The following GRID2 variants were observed in gnomAD, a reference collection of about 807,000 sequenced individuals.
GRID2 encodes glutamate ionotropic receptor delta type subunit 2.
A neutral mutation model predicts 114.8 loss-of-function variants in GRID2; 33 were observed. That is an observed-to-expected ratio of 0.29 (90% CI 0.22 to 0.38). The LOEUF (loss-of-function observed/expected upper bound fraction) is 0.38, where lower values mean the gene tolerates loss of function less well. GRID2 is among the 10% of genes least tolerant of loss of function. The pLI, the probability that GRID2 is intolerant of heterozygous loss-of-function variation, is 1.00. For missense variants in GRID2, 1,184 were observed against 1,257.7 expected, an observed-to-expected ratio of 0.94 and a Z score of 0.89; for synonymous variants, 505 against 449.9, an observed-to-expected ratio of 1.12 and a Z score of -1.55.
intron 14 of GRID2, among the ~76,000 whole-genome samples, chr4:93,682,172 A>G (rs1578558541): frequency 2.0e-5 from 3 of 151,186 alleles, no homozygotes; most frequent in African/African-American, 7.3e-5. Flanking sequence ...CAAAAGACAC[A>G]TGAAAAAATG....
chr4:92,857,368 G>A (rs1230044578), intron 2 of GRID2, among the ~76,000 whole-genome samples: 2 of 152,152 alleles, frequency 1.3e-5, no homozygotes, highest in Non-Finnish European at 2.9e-5. Context: ...AATGTACAGG[G>A]TGTGTTGGTG....
intron 15 of GRID2, among the ~76,000 whole-genome samples, chr4:93,771,312 G>T (rs1734087443): frequency 6.6e-6 from 1 of 152,252 alleles, no homozygotes; most frequent in Admixed American, 6.5e-5. Flanking sequence ...TTCTTACCAA[G>T]ACGCCATTAG....
chr4:93,609,088 T>C (rs1402412889), intron 13 of GRID2, among the ~76,000 whole-genome samples: 1 of 104,350 alleles, frequency 9.6e-6, no homozygotes, highest in Non-Finnish European at 2.1e-5. Flanking sequence ...TTTCATGTGT[T>C]TTTTGGCTGC....
intron 11 of GRID2, among the ~76,000 whole-genome samples, chr4:93,478,602 CAT>C (rs1367420400): frequency 3.3e-5 from 5 of 151,110 alleles, no homozygotes; most frequent in Admixed American, 6.6e-5. Flanking sequence ...AACTACATAA[CAT>C]AAAATTAACT....
chr4:93,332,302 G>GAGAGAGAGAGAA (rs1758580256), intron 8 of GRID2, among the ~76,000 whole-genome samples: 1 of 85,816 alleles, frequency 1.2e-5, no homozygotes, highest in Non-Finnish European at 2.4e-5. Context: ...GTGTGTGTGA[G>GAGAGAGAGAGAA]AGAGAGAGAG....
At chr4:93,725,996 C>G (rs1216166601) in intron 14 of GRID2, among the ~76,000 whole-genome samples, 1 of 152,178 alleles carries the variant, frequency 6.6e-6, no homozygotes, top group Non-Finnish European at 1.5e-5. Flanking sequence ...AATTAGATCC[C>G]ATTTGTCAAT....
chr4:93,533,278 C>A (rs534428298), intron 13 of GRID2, among the ~76,000 whole-genome samples: 1 of 132,822 alleles, frequency 7.5e-6, no homozygotes, highest in Non-Finnish European at 1.6e-5. Flanking sequence ...TCCTTCCTTC[C>A]TTCCTTCCTT....
chr4:93,258,497 C>T (rs745502774), intron 8 of GRID2, among the ~76,000 whole-genome samples: 3 of 151,346 alleles, frequency 2.0e-5, no homozygotes, highest in Admixed American at 1.3e-4. Context: ...TATATAATGA[C>T]AGACACATGG....
intron 14 of GRID2, among the ~76,000 whole-genome samples, chr4:93,728,955 G>A (rs1730215526): frequency 6.6e-6 from 1 of 152,150 alleles, no homozygotes; most frequent in African/African-American, 2.4e-5. Flanking sequence ...GCCAGTCTGT[G>A]TCTTTTAATT....
At chr4:93,017,122 C>G (rs553870987) in intron 2 of GRID2, among the ~76,000 whole-genome samples, 169 of 152,220 alleles carry the variant, frequency 1.1e-3, no homozygotes, top group Middle Eastern at 0.01. Flanking sequence ...TAAAACTTAT[C>G]TACATTTCAA....
At chr4:93,042,175 T>C (rs1459839754) in intron 2 of GRID2, among the ~76,000 whole-genome samples, 1 of 151,652 alleles carries the variant, frequency 6.6e-6, no homozygotes, top group Non-Finnish European at 1.5e-5. Flanking sequence ...AATGCTGGGA[T>C]TACAGGCATG....
chr4:93,303,836 G>A (rs80012407), intron 8 of GRID2, among the ~76,000 whole-genome samples: 2,869 of 151,870 alleles, frequency 0.019, 44 homozygotes, highest in Non-Finnish European at 0.029. Context: ...TCTCTTCTTA[G>A]CTTTATCAAA....
chr4:93,671,717 C>T (rs1172503339), intron 14 of GRID2, among the ~76,000 whole-genome samples: 1 of 151,980 alleles, frequency 6.6e-6, no homozygotes, highest in Non-Finnish European at 1.5e-5. Flanking sequence ...ACATGTAATC[C>T]CAAAACTTTG....
chr4:93,378,749 T>C (rs1763593700), intron 8 of GRID2, among the ~76,000 whole-genome samples: 1 of 152,116 alleles, frequency 6.6e-6, no homozygotes, highest in African/African-American at 2.4e-5. Context: ...CTTTTCTGAA[T>C]CTATGTCTTT....
chr4:93,699,357 G>T (rs1320510746), intron 14 of GRID2, among the ~76,000 whole-genome samples: 1 of 151,986 alleles, frequency 6.6e-6, no homozygotes, highest in Non-Finnish European at 1.5e-5. Context: ...AGCCATAAAA[G>T]TTAATTAAGG....
intron 8 of GRID2, among the ~76,000 whole-genome samples, chr4:93,261,246 G>C (rs1750223270): frequency 6.6e-6 from 1 of 151,892 alleles, no homozygotes; most frequent in South Asian, 2.1e-4. Flanking sequence ...TTAACAAGCA[G>C]TATCTGTAGT....
At chr4:92,749,309 G>GTTTTTTTT in intron 2 of GRID2, among the ~76,000 whole-genome samples, 1 of 107,098 alleles carries the variant, frequency 9.3e-6, no homozygotes, top group African/African-American at 3.7e-5. Context: ...TTGATTTGTA[G>GTTTTTTTT]CTTTTTTTTT....
chr4:93,423,667 T>C (rs1331012494), intron 10 of GRID2, among the ~76,000 whole-genome samples: 2 of 152,110 alleles, frequency 1.3e-5, no homozygotes, highest in Admixed American at 6.6e-5. Flanking sequence ...AAGATAGGTA[T>C]GTACATATGT....
In GRID2 at chr4:92,977,952, G is replaced by A. The variant is rs566304900; in HGVS notation, c.245-107043G>A. On this transcript the variant is annotated intron_variant, in intron 2 of 15. Coordinates refer to ENST00000282020, the MANE Select transcript of GRID2 (RefSeq NM_001510.4). ...ATGCTAGGTCAAGAGAAAATGTCAA[G>A]TAGTCAGCTGGAAGCTCAGAGACAG... Among the ~76,000 whole-genome samples the A allele has an allele frequency of 4.6e-5, 7 of 152,276 alleles. No homozygotes were observed. In the South Asian group the frequency reaches 1.5e-3, roughly 32 times the overall value.
Sources: allele counts gnomAD v4.1 joint callset (sites outside exome capture counted in the v4.1 genomes callset), GRCh38; gene constraint gnomAD v4.1.1; transcripts MANE v1.5; gene names NCBI Gene and HGNC (gene_info 2026-07-23, HGNC 2026-07-21).